The following AFAP1 variants were observed in gnomAD, a reference collection of about 807,000 sequenced individuals.
The protein encoded by AFAP1 is actin filament-associated protein 1.
Under a neutral mutation model 93.9 loss-of-function variants are expected in AFAP1, and 75 were observed. The ratio of observed to expected loss-of-function variants is 0.80; its 90% CI spans 0.66 to 0.97. AFAP1 has a LOEUF of 0.97. Among genes scored for constraint, AFAP1 ranks in the 50% least tolerant of loss-of-function variants. AFAP1 has a pLI of 0.00. For missense variants in AFAP1, 1,201 were observed against 1,050.8 expected, an observed-to-expected ratio of 1.14 and a Z score of -1.98; for synonymous variants, 517 against 430.7, an observed-to-expected ratio of 1.20 and a Z score of -2.48.
intron 15 of AFAP1, 149 bp from the exon 16 acceptor site, chr4:7,773,159 G>T: frequency 7.9e-7 from 1 of 1,265,588 alleles, no homozygotes; most frequent in Non-Finnish European, 1.1e-6. Flanking sequence ...CTTAAATTCA[G>T]CAGTTCTCTA....
chr4:7,927,985 C>G (rs1244256145), intron 1 of AFAP1, among the ~76,000 whole-genome samples: 1 of 152,150 alleles, frequency 6.6e-6, no homozygotes, highest in African/African-American at 2.4e-5. Flanking sequence ...AATGCTCTTT[C>G]GTATGATCTA....
chr4:7,779,150 C>A (rs1345422617), intron 13 of AFAP1: 5 of 400,470 alleles, frequency 1.2e-5, no homozygotes, highest in Non-Finnish European at 2.2e-5. Flanking sequence ...TGGCAGACCA[C>A]AAATGCTAAC....
intron 1 of AFAP1, among the ~76,000 whole-genome samples, chr4:7,873,667 T>C (rs540911997): frequency 3.9e-4 from 59 of 152,196 alleles, no homozygotes; most frequent in African/African-American, 1.4e-3. Context: ...CTTTTTAACG[T>C]ATCATTGAAT....
At chr4:7,934,589 G>C (rs893806586) in intron 1 of AFAP1, among the ~76,000 whole-genome samples, 2 of 152,180 alleles carry the variant, frequency 1.3e-5, no homozygotes, top group African/African-American at 4.8e-5. Context: ...GGAGAAGTTG[G>C]TGACGAGAAA....
chr4:7,863,317 G>T (rs549015455), intron 3 of AFAP1, among the ~76,000 whole-genome samples: 1 of 152,118 alleles, frequency 6.6e-6, no homozygotes, highest in South Asian at 2.1e-4. Context: ...TACTTGGGAG[G>T]GTGAGGTGGG....
At chr4:7,934,014 G>T (rs188938335) in intron 1 of AFAP1, among the ~76,000 whole-genome samples, 150 of 152,294 alleles carry the variant, frequency 9.8e-4, no homozygotes, top group African/African-American at 3.5e-3. Flanking sequence ...TGTCTGGCAC[G>T]GTGTTGACAT....
In AFAP1 at chr4:7,939,624, C is replaced by G; in HGVS notation, c.-3+32G>C. 2.4e-6 allele frequency: 1 copy of G among 414,682 alleles called. No individual in the cohort carries two copies. Among genetic ancestry groups the G allele is most frequent in the Non-Finnish European group, 4.8e-6 (1 of 209,750 alleles). The allele number at this position is 414,682 out of a possible 1,614,324, so 25.7% of individuals were successfully genotyped here. ...CCGGGGCAGAGACCCCCGCCGGGTC[C>G]GGAGACCCTGCCGCCAGTCGCGCCG... On this transcript the variant is annotated intron_variant, in intron 1 of 17. Coordinates refer to ENST00000420658, the MANE Select transcript of AFAP1 (RefSeq NM_001134647.2). The surrounding 1 kb of genome is among the most constrained non-coding windows in gnomAD (Gnocchi z 5.6).
chr4:7,812,621 C>A (rs1486968910), intron 8 of AFAP1, among the ~76,000 whole-genome samples: 1 of 152,098 alleles, frequency 6.6e-6, no homozygotes, highest in African/African-American at 2.4e-5. Context: ...CCCCCTGCAG[C>A]TAGAGGGTAG....
rs771135583 is a variant in AFAP1 at position 7,762,424 on chromosome 4, CA to C, written c.*1340del. The C allele has an allele frequency of 7.2e-5, 11 of 152,278 alleles. No individual in the cohort carries two copies. Among genetic ancestry groups the C allele is most frequent in the African/African-American group, 2.6e-4 (11 of 41,572 alleles). 9.4% of individuals were successfully genotyped at this position (152,278 alleles called of 1,614,324 possible). On this transcript the variant is annotated 3_prime_UTR_variant, in exon 18 of 18. Transcript: ENST00000420658. ...CCATGAATCTGCCTGCGGAGGCGTT[CA>C]GGGGTGACTTATTTCGTCATAAGTG...
chr4:7,823,384 A>C (rs1271827319), intron 6 of AFAP1, among the ~76,000 whole-genome samples: 2 of 152,224 alleles, frequency 1.3e-5, no homozygotes, highest in Non-Finnish European at 2.9e-5. Context: ...CTCATGACCA[A>C]GCTTCCCCAG....
intron 2 of AFAP1, 75 bp from the exon 3 acceptor site, chr4:7,868,794 C>A: frequency 1.6e-6 from 2 of 1,286,228 alleles, no homozygotes; most frequent in Non-Finnish European, 1.1e-6. Flanking sequence ...TCTATCAGTT[C>A]CTGAACCCTG....
intron 1 of AFAP1, among the ~76,000 whole-genome samples, chr4:7,907,421 TAACAGAGGCCTTA>T (rs1286067631): frequency 1.3e-5 from 2 of 152,154 alleles, no homozygotes; most frequent in East Asian, 3.9e-4. Flanking sequence ...AAGTCAGAAC[TAACAGAGGCCTTA>T]AACATCAGAT....
intron 6 of AFAP1, among the ~76,000 whole-genome samples, chr4:7,831,612 A>G (rs548469267): frequency 6.4e-4 from 98 of 152,278 alleles, no homozygotes; most frequent in African/African-American, 2.1e-3. Context: ...TCCCAGTGAC[A>G]CTCCAGGATG....
Position 7,760,746 on chromosome 4 carries a change from G to A in AFAP1, c.*3019C>T, listed in dbSNP as rs1713660600. The A allele has an allele frequency of 6.6e-6, 1 of 152,318 alleles. No homozygotes were observed. The allele number at this position is 152,318 out of a possible 1,614,324, so 9.4% of individuals were successfully genotyped here. A position where few individuals can be genotyped will look rare whatever the true frequency, so the allele number is the denominator to read the frequency against. ...AAAATAGAGCCAGGAGCAGAGCCCT[G>A]AAGAGTGACACTGTGGCTCAAGGTT... is the stretch of plus-strand genomic sequence containing the variant. On this transcript the variant is annotated 3_prime_UTR_variant, in exon 18 of 18. Coordinates refer to ENST00000420658, the MANE Select transcript of AFAP1 (RefSeq NM_001134647.2).
chr4:7,902,978 C>G (rs1051962715), intron 1 of AFAP1, among the ~76,000 whole-genome samples: 3 of 152,204 alleles, frequency 2.0e-5, no homozygotes, highest in Non-Finnish European at 1.5e-5. Context: ...TATCTTGTAT[C>G]ATTTCTACTC....
At chr4:7,898,284 T>C (rs1025038871) in intron 1 of AFAP1, among the ~76,000 whole-genome samples, 2 of 152,102 alleles carry the variant, frequency 1.3e-5, no homozygotes, top group Non-Finnish European at 2.9e-5. Context: ...GGTAGGCACC[T>C]GTAATCCCAG....
At chr4:7,847,408 A>C (rs1016418414) in intron 4 of AFAP1, among the ~76,000 whole-genome samples, 2 of 152,104 alleles carry the variant, frequency 1.3e-5, no homozygotes, top group African/African-American at 4.8e-5. Context: ...GCAGTGTCCC[A>C]ATCAAGAGAA....
chr4:7,840,267 T>TGTGTGTGTGTGTGTGC (rs1553844338), intron 5 of AFAP1, among the ~76,000 whole-genome samples: 61 of 144,918 alleles, frequency 4.2e-4, no homozygotes, highest in African/African-American at 1.4e-3. Context: ...TTGGGATGTG[T>TGTGTGTGTGTGTGTGC]GTGTGTGTGT....
chr4:7,900,943 C>T (rs772017991), intron 1 of AFAP1, among the ~76,000 whole-genome samples: 7 of 152,274 alleles, frequency 4.6e-5, no homozygotes, highest in Non-Finnish European at 8.8e-5. Flanking sequence ...TTCTCTTGGT[C>T]CTGTTTCTAT....
Sources: gnomAD v4.1 joint callset for allele counts (sites outside exome capture counted in the v4.1 genomes callset) on GRCh38, gnomAD v4.1.1 for gene constraint, Gnocchi (gnomAD v3.1) non-coding constraint, MANE v1.5 for transcripts, NCBI Gene and HGNC (gene_info 2026-07-23, HGNC 2026-07-21) for gene names.